The following CPS1 variants were observed in gnomAD, a reference collection of about 807,000 sequenced individuals.
The protein encoded by CPS1 is carbamoyl-phosphate synthase [ammonia], mitochondrial.
A neutral mutation model predicts 174.6 loss-of-function variants in CPS1; 109 were observed. The ratio of observed to expected loss-of-function variants is 0.62; its 90% CI spans 0.53 to 0.73. The LOEUF (loss-of-function observed/expected upper bound fraction) is 0.73. Among genes scored for constraint, CPS1 ranks in the 30% least tolerant of loss-of-function variants. The pLI is 0.00. For missense variants in CPS1, 1,689 were observed against 1,821.9 expected, an observed-to-expected ratio of 0.93 and a Z score of 1.33; for synonymous variants, 637 against 632.0, an observed-to-expected ratio of 1.01 and a Z score of -0.12.
intron 1 of CPS1, among the ~76,000 whole-genome samples, chr2:210,533,096 A>G (rs139062338): frequency 2.4e-3 from 370 of 152,156 alleles, no homozygotes; most frequent in African/African-American, 8.5e-3. Context: ...TTTCTTGGAG[A>G]GTAGTGTGAC....
intron 1 of CPS1, among the ~76,000 whole-genome samples, chr2:210,494,187 A>G (rs765321573): frequency 3.9e-5 from 6 of 152,240 alleles, no homozygotes; most frequent in Non-Finnish European, 5.9e-5. Flanking sequence ...TAATTTCATA[A>G]GAAAAAAATG....
chr2:210,647,536 C>T (rs1700417171), intron 25 of CPS1, among the ~76,000 whole-genome samples: 1 of 152,110 alleles, frequency 6.6e-6, no homozygotes, highest in Admixed American at 6.5e-5. Context: ...TAGGAATTTC[C>T]AGCAGTAGTC....
chr2:210,612,025 T>C (rs883542), intron 19 of CPS1, 92 bp from the exon 20 acceptor site: 2 of 1,214,474 alleles, frequency 1.6e-6, no homozygotes, highest in African/African-American at 3.1e-5. Context: ...TTCTTATTTG[T>C]TTTATAAAAT....
At chr2:210,601,056 T>C (rs2371000) in intron 15 of CPS1, among the ~76,000 whole-genome samples, 96,062 of 151,658 alleles carry the variant, frequency 0.63, 31,249 homozygotes, top group African/African-American at 0.78. Context: ...ATCAATCACA[T>C]ATTTTGCATG....
Position 210,612,416 on chromosome 2 carries a change from T to C in CPS1, c.2568+123T>C. The C allele has an allele frequency of 4.2e-6, 4 of 943,064 alleles. No individual in the cohort carries two copies. The South Asian group carries it at 5.4e-5, about 13-fold the overall frequency. The allele number at this position is 943,064 out of a possible 1,614,324, so 58.4% of individuals were successfully genotyped here. A position where few individuals can be genotyped will look rare whatever the true frequency, so the allele number is the denominator to read the frequency against. The stretch of plus-strand genomic sequence containing the variant: ...TCAGGGATTTTTGGAAAATTTTTAA[T>C]TCTTTTATAGTATTAAACTGGAAAC... On this transcript the variant is annotated intron_variant, in intron 20 of 37. Transcript: ENST00000233072.
chr2:210,626,370 A>C (rs1016425375), intron 21 of CPS1, among the ~76,000 whole-genome samples: 6 of 152,136 alleles, frequency 3.9e-5, no homozygotes, highest in African/African-American at 1.4e-4. Context: ...AGTGGAGCAA[A>C]ATGCATATGA....
intron 34 of CPS1, among the ~76,000 whole-genome samples, chr2:210,669,765 C>A (rs759426780): frequency 6.6e-6 from 1 of 152,054 alleles, no homozygotes; most frequent in Non-Finnish European, 1.5e-5. Flanking sequence ...TATTAAGTCC[C>A]AAGTAGGAGA....
intron 19 of CPS1, among the ~76,000 whole-genome samples, chr2:210,609,926 C>A (rs1699051642): frequency 1.3e-5 from 2 of 151,902 alleles, no homozygotes; most frequent in African/African-American, 4.8e-5. Flanking sequence ...AGAATTATTT[C>A]TATTTTGGCT....
At chr2:210,668,644 A>T (rs1701187050) in intron 34 of CPS1, among the ~76,000 whole-genome samples, 1 of 152,080 alleles carries the variant, frequency 6.6e-6, no homozygotes, top group South Asian at 2.1e-4. Flanking sequence ...GCATTATATG[A>T]GGTTGGATCT....
At chr2:210,667,140 C>G (rs925914777) in intron 33 of CPS1, among the ~76,000 whole-genome samples, 12 of 151,998 alleles carry the variant, frequency 7.9e-5, no homozygotes, top group African/African-American at 2.9e-4. Flanking sequence ...TCTGTTATTG[C>G]TGTATAAGAA....
At chr2:210,602,464 A>C (rs1698761416) in intron 16 of CPS1, 134 bp downstream of exon 16, 1 of 1,144,918 alleles carries the variant, frequency 8.7e-7, no homozygotes, top group African/African-American at 1.5e-5. Context: ...CCAAAAGCGT[A>C]TTCCAAAAGA....
chr2:210,616,368 A>G, intron 20 of CPS1, 55 bp from the exon 21 acceptor site: 2 of 1,242,736 alleles, frequency 1.6e-6, no homozygotes, highest in East Asian at 2.3e-5. Context: ...TTTAAACCAA[A>G]TAAGACATTT....
chr2:210,495,541 T>C (rs947714854), intron 1 of CPS1, among the ~76,000 whole-genome samples: 18 of 152,224 alleles, frequency 1.2e-4, no homozygotes, highest in African/African-American at 4.3e-4. Flanking sequence ...CCAGCTTTTC[T>C]TCTTGTGGTA....
intron 16 of CPS1, among the ~76,000 whole-genome samples, chr2:210,602,686 T>A (rs896478248): frequency 1.3e-5 from 2 of 151,962 alleles, no homozygotes; most frequent in African/African-American, 4.8e-5. Context: ...TATGTTTTAG[T>A]GGTTAAGGAA....
rs539382449 is a variant in CPS1 at position 210,656,709 on chromosome 2, T to A, written c.3666+77T>A. 3.2e-4 allele frequency: 315 copies of A among 981,116 alleles called. No homozygotes were observed. The African/African-American group carries it at 3.7e-3, about 12-fold the overall frequency. The allele number at this position is 981,116 out of a possible 1,614,324, so 60.8% of individuals were successfully genotyped here. On this transcript the variant is annotated intron_variant, in intron 30 of 37. Coordinates refer to ENST00000233072, the MANE Select transcript of CPS1 (RefSeq NM_001875.5). ...ACACCTAAGGTTTTTTTTTTTTTTT[T>A]AAAGCTAGGTAGCAATGTAAGATAT...
chr2:210,516,970 G>A (rs897906942), intron 1 of CPS1, among the ~76,000 whole-genome samples: 4 of 151,646 alleles, frequency 2.6e-5, no homozygotes, highest in Admixed American at 2.0e-4. Flanking sequence ...TTTTTCTAAT[G>A]TCCTTTTCCT....
At chr2:210,576,322 T>A (rs1222427543) in intron 2 of CPS1, 24 bp from the exon 3 acceptor site, 5 of 1,613,018 alleles carry the variant, frequency 3.1e-6, no homozygotes, top group Non-Finnish European at 4.2e-6. Flanking sequence ...TATTTGCTGA[T>A]AATTTTTTGG....
chr2:210,675,639 TTTC>T (rs1701500481), intron 35 of CPS1, 86 bp from the exon 36 acceptor site: 6 of 758,974 alleles, frequency 7.9e-6, no homozygotes, highest in South Asian at 1.4e-5. Context: ...TGTTCAGCAA[TTTC>T]TTCTTCTTTA....
At chr2:210,491,256 G>A (rs1041686463) in intron 1 of CPS1, among the ~76,000 whole-genome samples, 4 of 143,042 alleles carry the variant, frequency 2.8e-5, no homozygotes, top group African/African-American at 1.1e-4. Flanking sequence ...TGATTTAACT[G>A]TTGGATATTT....
Sources: gnomAD v4.1 joint callset for allele counts (sites outside exome capture counted in the v4.1 genomes callset) on GRCh38, gnomAD v4.1.1 for gene constraint, MANE v1.5 for transcripts, NCBI Gene and HGNC (gene_info 2026-07-23, HGNC 2026-07-21) for gene names.